The following ADAMTSL1 variants were observed in gnomAD, a reference collection of about 807,000 sequenced individuals.
The protein encoded by ADAMTSL1 is ADAMTS like 1.
In ADAMTSL1, 126 loss-of-function variants were observed where a neutral mutation model predicts 201.8. The ratio of observed to expected loss-of-function variants is 0.62; its 90% CI spans 0.54 to 0.72. The LOEUF (loss-of-function observed/expected upper bound fraction) is 0.72, where lower values mean the gene tolerates loss of function less well. ADAMTSL1 is among the 30% of genes least tolerant of loss of function. The pLI, the probability that ADAMTSL1 is intolerant of heterozygous loss-of-function variation, is 0.00. For missense variants in ADAMTSL1, 2,679 were observed against 2,277.8 expected, an observed-to-expected ratio of 1.18 and a Z score of -3.59; for synonymous variants, 1,121 against 903.4, an observed-to-expected ratio of 1.24 and a Z score of -4.32.
At chr9:18,419,201 A>T (rs898116431) in intron 2 of ADAMTSL1, among the ~76,000 whole-genome samples, 2 of 152,224 alleles carry the variant, frequency 1.3e-5, no homozygotes, top group African/African-American at 4.8e-5. Context: ...TTAACTCAAA[A>T]TGGATCATTT....
intron 2 of ADAMTSL1, among the ~76,000 whole-genome samples, chr9:18,167,586 C>T (rs944030388): frequency 3.3e-5 from 5 of 151,864 alleles, no homozygotes; most frequent in African/African-American, 1.2e-4. Context: ...ATATTTTCTC[C>T]GTTAGTTGGC....
chr9:18,888,943 C>T (rs964339894), intron 24 of ADAMTSL1, among the ~76,000 whole-genome samples: 4 of 152,266 alleles, frequency 2.6e-5, no homozygotes, highest in East Asian at 1.9e-4. Flanking sequence ...AACCAGAAGC[C>T]AGGGCCTATT....
At chr9:18,051,933 A>C (rs369436430) in intron 1 of ADAMTSL1, among the ~76,000 whole-genome samples, 1 of 152,234 alleles carries the variant, frequency 6.6e-6, no homozygotes, top group African/African-American at 2.4e-5. Flanking sequence ...CTTTCACTTT[A>C]TTGGTTACCT....
chr9:18,137,773 C>A (rs886449109), intron 1 of ADAMTSL1, among the ~76,000 whole-genome samples: 14 of 152,080 alleles, frequency 9.2e-5, no homozygotes, highest in African/African-American at 3.4e-4. Flanking sequence ...ATTAAAGGCC[C>A]TTTTAGTAGC....
chr9:18,709,048 A>G (rs1448272344), intron 14 of ADAMTSL1, among the ~76,000 whole-genome samples: 1 of 152,244 alleles, frequency 6.6e-6, no homozygotes, highest in Non-Finnish European at 1.5e-5. Context: ...TACATCCTTT[A>G]TATCCAAAGC....
At chr9:18,326,339 G>A (rs1244400229) in intron 2 of ADAMTSL1, among the ~76,000 whole-genome samples, 4 of 152,000 alleles carry the variant, frequency 2.6e-5, no homozygotes, top group African/African-American at 4.8e-5. Context: ...GTTCTGCATC[G>A]ATTGTGGTGG....
chr9:18,795,355 A>T lies in ADAMTSL1; in HGVS notation c.3678-42A>T, dbSNP rs1321654888. 10 of 1,610,898 alleles carry T rather than the reference A, an allele frequency of 6.2e-6. No homozygotes were observed. In the African/African-American group the frequency reaches 1.3e-4, roughly 22 times the overall value. On this transcript the variant is annotated intron_variant, in intron 19 of 28. Transcript: ENST00000380548. ...CAATATTGAATGCCAAAAAGGAGTC[A>T]ACTGACTTGACCAGGTCTATATTTC...
chr9:18,584,769 T>G (rs750206000), intron 4 of ADAMTSL1, among the ~76,000 whole-genome samples: 5 of 152,056 alleles, frequency 3.3e-5, no homozygotes, highest in Non-Finnish European at 7.4e-5. Flanking sequence ...ATTTACTCAG[T>G]ATTGGTGGGC....
intron 13 of ADAMTSL1, among the ~76,000 whole-genome samples, chr9:18,690,743 TCC>T (rs1831162146): frequency 1.3e-5 from 2 of 152,174 alleles, no homozygotes; most frequent in East Asian, 3.8e-4. Context: ...ACCCTTCCCC[TCC>T]AATAGTCTTG....
chr9:18,033,725 G>A (rs940046279), intron 1 of ADAMTSL1, among the ~76,000 whole-genome samples: 5 of 152,250 alleles, frequency 3.3e-5, no homozygotes, highest in African/African-American at 7.2e-5. Context: ...CCGTCTGCAC[G>A]CTATAGTTCC....
Position 18,530,526 on chromosome 9 carries a change from A to G in ADAMTSL1, c.192-2721A>G, listed in dbSNP as rs566007235. Among the ~76,000 whole-genome samples, 18 of 152,230 alleles carry G rather than the reference A, an allele frequency of 1.2e-4. No homozygotes were observed. The East Asian group carries it at 2.9e-3, about 24-fold the overall frequency. On this transcript the variant is annotated intron_variant, in intron 2 of 28. Transcript: ENST00000380548. ...TTTCACTCACCTACTGCAATTCCCC[A>G]CATAAACCCTAAATCCCCCGAAAAC...
chr9:18,688,118 G>GTATATATATATATA (rs71333061), intron 13 of ADAMTSL1, among the ~76,000 whole-genome samples: 1 of 142,702 alleles, frequency 7.0e-6, no homozygotes, highest in African/African-American at 2.6e-5. Flanking sequence ...ATGTATGTAT[G>GTATATATATATATA]TATATATATA....
At chr9:18,843,700 A>AT (rs1381830222) in intron 23 of ADAMTSL1, among the ~76,000 whole-genome samples, 1 of 150,882 alleles carries the variant, frequency 6.6e-6, no homozygotes, top group Non-Finnish European at 1.5e-5. Flanking sequence ...GTCTTTTCAC[A>AT]TAGTCCCATA....
chr9:18,810,578 G>C (rs1457299922), intron 20 of ADAMTSL1, among the ~76,000 whole-genome samples: 1 of 152,190 alleles, frequency 6.6e-6, no homozygotes, highest in Admixed American at 6.5e-5. Flanking sequence ...CTGTAACATG[G>C]TTAAAACAAA....
intron 2 of ADAMTSL1, among the ~76,000 whole-genome samples, chr9:18,468,226 T>C (rs1587298103): frequency 6.6e-6 from 1 of 152,130 alleles, no homozygotes. Context: ...TTCAGCAATG[T>C]AGAAAAAAGA....
At chr9:18,077,340 C>A (rs1052896358) in intron 1 of ADAMTSL1, among the ~76,000 whole-genome samples, 1 of 152,100 alleles carries the variant, frequency 6.6e-6, no homozygotes, top group Non-Finnish European at 1.5e-5. Flanking sequence ...GAGGCAAGCC[C>A]TGGACTCCTC....
chr9:18,766,138 G>A (rs769972026), intron 16 of ADAMTSL1, among the ~76,000 whole-genome samples: 1 of 152,304 alleles, frequency 6.6e-6, no homozygotes, highest in Non-Finnish European at 1.5e-5. Flanking sequence ...CGCTTCTCTT[G>A]CTCTGCTATA....
At chr9:18,797,203 A>T (rs1822476875) in intron 20 of ADAMTSL1, among the ~76,000 whole-genome samples, 1 of 152,232 alleles carries the variant, frequency 6.6e-6, no homozygotes, top group African/African-American at 2.4e-5. Flanking sequence ...CCCAGGGCAT[A>T]GGGAGCTGCA....
At chr9:18,779,288 C>G (rs1174904596) in intron 19 of ADAMTSL1, among the ~76,000 whole-genome samples, 1 of 152,206 alleles carries the variant, frequency 6.6e-6, no homozygotes, top group Admixed American at 6.5e-5. Flanking sequence ...CCATCCTGCA[C>G]ACATCATTTT....
Sources: allele counts gnomAD v4.1 joint callset (sites outside exome capture counted in the v4.1 genomes callset), GRCh38; gene constraint gnomAD v4.1.1; transcripts MANE v1.5; gene names NCBI Gene and HGNC (gene_info 2026-07-23, HGNC 2026-07-21).